DLG2: variants seen among roughly 807,000 people sequenced by gnomAD.
The protein encoded by DLG2 is disks large homolog 2.
Under a neutral mutation model 132.5 loss-of-function variants are expected in DLG2, and 45 were observed. That is an observed-to-expected ratio of 0.34 (90% confidence interval 0.27 to 0.44). The LOEUF (loss-of-function observed/expected upper bound fraction) is 0.44, where lower values mean the gene tolerates loss of function less well. Ranked by LOEUF, DLG2 falls within the 20% of genes least tolerant of loss-of-function variation. The probability of loss-of-function intolerance (pLI) is 1.00; values close to 1 mark genes in which losing one functional copy is unlikely to be tolerated. For synonymous variants in DLG2, 424 were observed against 419.6 expected, an observed-to-expected ratio of 1.01 and a Z score of -0.13; for missense variants, 1,045 against 1,196.9, an observed-to-expected ratio of 0.87 and a Z score of 1.87.
chr11:83,632,843 C>T (rs1378732799), intron 19 of DLG2: 1 of 205,880 alleles, frequency 4.9e-6, no homozygotes, highest in Non-Finnish European at 9.9e-6. Context: ...GGAGATAATA[C>T]AGGAATATTT....
At chr11:84,273,121 C>G (rs762437496) in intron 7 of DLG2, 40 of 1,465,868 alleles carry the variant, frequency 2.7e-5, no homozygotes, top group Non-Finnish European at 3.4e-5. Context: ...TAAAAGAATC[C>G]CTAGGAAAAT....
chr11:85,591,584 A>C lies in DLG2; in HGVS notation c.40+7073T>G, dbSNP rs576240802. On this transcript the variant is annotated intron_variant, in intron 3 of 27. Coordinates refer to ENST00000376104, the MANE Select transcript of DLG2 (RefSeq NM_001142699.3). ...TGAAACCCCGTCTCTACTAAAAAAA[A>C]ATACAAAAATTAGCTGGGCGTGGTG... Among the ~76,000 whole-genome samples, 11 of 152,274 alleles carry C rather than the reference A, an allele frequency of 7.2e-5. No homozygotes were observed. The South Asian group carries it at 1.0e-3, about 14-fold the overall frequency.
intron 4 of DLG2, among the ~76,000 whole-genome samples, chr11:85,269,699 C>A (rs1337756439): frequency 6.6e-6 from 1 of 152,102 alleles, no homozygotes; most frequent in Non-Finnish European, 1.5e-5. Context: ...CGTACCAATT[C>A]CAAAGCCAAG....
chr11:83,655,965 T>G (rs1016481506), intron 18 of DLG2, among the ~76,000 whole-genome samples: 25 of 152,224 alleles, frequency 1.6e-4, no homozygotes, highest in Non-Finnish European at 2.6e-4. Flanking sequence ...GCCTAAACAG[T>G]GCAGTAGGAA....
chr11:85,583,124 GTGTGTGTATATATATATATATATA>G lies in DLG2; in HGVS notation c.40+15509_40+15532del, dbSNP rs2078701716. 9.7e-5 allele frequency among the ~76,000 whole-genome samples: 4 copies of G among 41,058 alleles called. No individual in the cohort carries two copies. The Admixed American group carries it at 1.2e-3, about 12-fold the overall frequency. 26.9% of individuals were successfully genotyped at this position (41,058 alleles called of 152,430 possible). ...TGTGTGTGTGTGTGTGTGTGTGTGTGTGTGTGTATATATATATATATATATATATATATATATATATATATGTTT... is the reference window on the plus strand; with the variant it reads ...TGTGTGTGTGTGTGTGTGTGTGTGTGTATATATATATATATATATATGTTT... On this transcript the variant is annotated intron_variant, in intron 3 of 27. Transcript: ENST00000376104.
chr11:83,834,897 A>C (rs779406158), intron 16 of DLG2, among the ~76,000 whole-genome samples: 4 of 152,148 alleles, frequency 2.6e-5, no homozygotes, highest in Non-Finnish European at 4.4e-5. Flanking sequence ...TCCTCTCCCA[A>C]ACATCTCAGT....
chr11:85,515,478 C>G (rs2094153052), intron 3 of DLG2, among the ~76,000 whole-genome samples: 1 of 151,884 alleles, frequency 6.6e-6, no homozygotes, highest in East Asian at 1.9e-4. Context: ...TTTTGTAAAC[C>G]TCTTAGTCTT....
rs1180433585 is a variant in DLG2, at chr11:85,627,288, G to A, written c.-330C>T. 1 of 152,042 alleles carries A rather than the reference G, an allele frequency of 6.6e-6. No homozygotes were observed. The highest frequency in any genetic ancestry group is 2.4e-5 in the African/African-American group (1 of 41,364). 9.4% of individuals were successfully genotyped at this position (152,042 alleles called of 1,614,324 possible). ...TCTTCTGTGCTCTCCAAGCCCCCAG[G>A]CTTGATCCTTAATGCCCCTCTGATT... On this transcript the variant is annotated 5_prime_UTR_variant, in exon 1 of 28. Coordinates refer to ENST00000376104, the MANE Select transcript of DLG2 (RefSeq NM_001142699.3).
chr11:84,245,216 T>A lies in DLG2; in HGVS notation c.573+6022A>T. On this transcript the variant is annotated intron_variant, in intron 8 of 27. Coordinates refer to ENST00000376104, the MANE Select transcript of DLG2 (RefSeq NM_001142699.3). ...TCCTTTTTCTTGTCACTGACACTCATGTGTTCAGCCTTTTTTTTGGTTCAT... is the reference window on the plus strand; with the variant it reads ...TCCTTTTTCTTGTCACTGACACTCAAGTGTTCAGCCTTTTTTTTGGTTCAT... Among the ~76,000 whole-genome samples, 2 of 152,224 alleles carry A rather than the reference T, an allele frequency of 1.3e-5. 1 individual carries two copies. The highest frequency in any genetic ancestry group is 4.1e-4 in the South Asian group (2 of 4,832).
intron 3 of DLG2, among the ~76,000 whole-genome samples, chr11:85,480,857 C>G (rs1057441163): frequency 6.6e-6 from 1 of 152,178 alleles, no homozygotes; most frequent in Admixed American, 6.5e-5. Flanking sequence ...AGTGTTTAAA[C>G]TATCCTGCAC....
At chr11:84,352,467 T>C (rs1304077280) in intron 7 of DLG2, among the ~76,000 whole-genome samples, 1 of 152,168 alleles carries the variant, frequency 6.6e-6, no homozygotes, top group Non-Finnish European at 1.5e-5. Context: ...GAAGTTGTTT[T>C]TGTAATTTTG....
chr11:83,859,436 T>C (rs190701199), intron 16 of DLG2, among the ~76,000 whole-genome samples: 1 of 152,212 alleles, frequency 6.6e-6, no homozygotes, highest in African/African-American at 2.4e-5. Flanking sequence ...CTCCTTGTTA[T>C]GTTTTAGCAA....
chr11:84,143,183 G>GTA (rs34859856), intron 9 of DLG2, among the ~76,000 whole-genome samples: 98,905 of 151,730 alleles, frequency 0.65, 34,508 homozygotes, highest in Middle Eastern at 0.82. Context: ...TTTTTAGTCA[G>GTA]TATATAAAAG....
chr11:84,117,028 C>G (rs2093666263), intron 9 of DLG2, among the ~76,000 whole-genome samples: 1 of 152,196 alleles, frequency 6.6e-6, no homozygotes, highest in African/African-American at 2.4e-5. Flanking sequence ...CCTGATAAGC[C>G]TTGCAACTTT....
rs116165218 is a variant in DLG2, at chr11:85,178,696, C to G, written c.187-24045G>C. Reference sequence around the variant, plus strand: ...GAACAAGACAGATATAACAAAGAGCCATTAAAAATGGAATAAAAAATAGTC... The same window carrying G: ...GAACAAGACAGATATAACAAAGAGCGATTAAAAATGGAATAAAAAATAGTC... On this transcript the variant is annotated intron_variant, in intron 4 of 27. Transcript: ENST00000376104. Among the ~76,000 whole-genome samples the G allele has an allele frequency of 3.8e-3, 576 of 151,736 alleles. 4 individuals are homozygous for G. The highest frequency in any genetic ancestry group is 0.013 in the African/African-American group (558 of 41,424).
intron 6 of DLG2, among the ~76,000 whole-genome samples, chr11:85,082,591 T>G (rs914830003): frequency 6.6e-6 from 1 of 152,060 alleles, no homozygotes; most frequent in Non-Finnish European, 1.5e-5. Context: ...ATTAGAAGCC[T>G]TCTCTTGATT....
At chr11:83,763,741 A>G (rs1448659232) in intron 18 of DLG2, among the ~76,000 whole-genome samples, 1 of 152,222 alleles carries the variant, frequency 6.6e-6, no homozygotes, top group Non-Finnish European at 1.5e-5. Flanking sequence ...TGTATCCCAC[A>G]TTAGCTGCAT....
At chr11:85,263,316 C>A (rs1011556770) in intron 4 of DLG2, among the ~76,000 whole-genome samples, 1 of 152,204 alleles carries the variant, frequency 6.6e-6, no homozygotes, top group Non-Finnish European at 1.5e-5. Flanking sequence ...AGCAGGATGG[C>A]TGGCTGGCTC....
intron 18 of DLG2, among the ~76,000 whole-genome samples, chr11:83,749,890 C>T (rs565728402): frequency 1.4e-4 from 22 of 152,182 alleles, no homozygotes; most frequent in African/African-American, 4.1e-4. Flanking sequence ...ATAAGTGAAG[C>T]GTTTTCTCTG....
Sources: allele counts gnomAD v4.1 joint callset (sites outside exome capture counted in the v4.1 genomes callset), GRCh38; gene constraint gnomAD v4.1.1; transcripts MANE v1.5; gene names NCBI Gene and HGNC (gene_info 2026-07-23, HGNC 2026-07-21).